The following SUGCT variants were observed in gnomAD, a reference collection of about 807,000 sequenced individuals.
SUGCT encodes succinyl-CoA:glutarate-CoA transferase.
In SUGCT, 41 loss-of-function variants were observed where a neutral mutation model predicts 55.0. The ratio of observed to expected loss-of-function variants is 0.74; its 90% CI spans 0.58 to 0.97. The LOEUF (loss-of-function observed/expected upper bound fraction) is 0.97, where lower values mean the gene tolerates loss of function less well. SUGCT is among the 50% of genes least tolerant of loss of function. The pLI is 0.00. For missense variants in SUGCT, 568 were observed against 547.8 expected, an observed-to-expected ratio of 1.04 and a Z score of -0.37; for synonymous variants, 187 against 200.4, an observed-to-expected ratio of 0.93 and a Z score of 0.56.
chr7:40,749,512 G>A lies in SUGCT; in HGVS notation c.1153+15G>A. On this transcript the variant is annotated intron_variant, in intron 13 of 13. Coordinates refer to ENST00000335693, the MANE Select transcript of SUGCT (RefSeq NM_001193313.2). ...TTCCGTCCCAGGTCTGAAAAGTTTT[G>A]GTATTTTCTCTAGCACCTTTCTTTA... 6.2e-7 allele frequency: 1 copy of A among 1,608,008 alleles called. No individual in the cohort carries two copies. The highest frequency in any genetic ancestry group is 8.5e-7 in the Non-Finnish European group (1 of 1,174,642).
chr7:40,463,839 T>C (rs1245537128), intron 11 of SUGCT, among the ~76,000 whole-genome samples: 1 of 152,180 alleles, frequency 6.6e-6, no homozygotes, highest in Non-Finnish European at 1.5e-5. Flanking sequence ...GCTGCTAACA[T>C]TGAAAACTAG....
chr7:40,335,471 G>T (rs1321394953), intron 9 of SUGCT, among the ~76,000 whole-genome samples: 2 of 151,860 alleles, frequency 1.3e-5, no homozygotes, highest in Non-Finnish European at 2.9e-5. Context: ...CACATCCCTT[G>T]TAAGTTGGAT....
intron 13 of SUGCT, among the ~76,000 whole-genome samples, chr7:40,842,995 T>C (rs1376816401): frequency 6.6e-6 from 1 of 152,212 alleles, no homozygotes; most frequent in Non-Finnish European, 1.5e-5. Context: ...TTCCTTGTTT[T>C]AGAAACCTGA....
In SUGCT at chr7:40,627,858, C is replaced by G. The variant is rs558945501; in HGVS notation, c.1090-121576C>G. ...ATGACATGAAACTTCTCTGCCAGGG[C>G]TAAATGGCAGGAGGGCTCTCTAAAT... On this transcript the variant is annotated intron_variant, in intron 12 of 13. Transcript: ENST00000335693. Among the ~76,000 whole-genome samples the G allele has an allele frequency of 3.0e-4, 46 of 152,274 alleles. No individual in the cohort carries two copies. In the South Asian group the frequency reaches 8.3e-3, roughly 27 times the overall value.
chr7:40,200,024 C>A (rs1786503898), intron 6 of SUGCT, among the ~76,000 whole-genome samples: 1 of 152,044 alleles, frequency 6.6e-6, no homozygotes, highest in South Asian at 2.1e-4. Flanking sequence ...GAAGAGAGAA[C>A]CACAGAATTT....
chr7:40,173,243 A>C (rs1370876835), intron 1 of SUGCT, among the ~76,000 whole-genome samples: 1 of 152,218 alleles, frequency 6.6e-6, no homozygotes, highest in Admixed American at 6.5e-5. Flanking sequence ...GCACTTAGCT[A>C]TGCAGGAACA....
At position 40,855,110 on chromosome 7, in the gene SUGCT, T is replaced by C. The variant is rs371867085; in HGVS notation, c.1154-5206T>C. On this transcript the variant is annotated intron_variant, in intron 13 of 13. Transcript: ENST00000335693. ...TCACCCCTCCTCCATTTCCAGGAAG[T>C]TTCTCAGATATTTTTAATGCTGATA... Among the ~76,000 whole-genome samples, 112 of 152,064 alleles carry C rather than the reference T, an allele frequency of 7.4e-4. 1 individual carries two copies. Among genetic ancestry groups the C allele is most frequent in the African/African-American group, 2.6e-3 (110 of 41,520 alleles).
intron 6 of SUGCT, among the ~76,000 whole-genome samples, chr7:40,214,829 A>T (rs765989310): frequency 1.3e-5 from 2 of 151,604 alleles, no homozygotes; most frequent in African/African-American, 2.4e-5. Context: ...CAGGAGAATC[A>T]CTTGAACCCG....
At chr7:40,728,293 T>A (rs1294657403) in intron 12 of SUGCT, among the ~76,000 whole-genome samples, 1 of 151,872 alleles carries the variant, frequency 6.6e-6, no homozygotes, top group Non-Finnish European at 1.5e-5. Context: ...CTGAAGCGGG[T>A]GGATCAGCTG....
At position 40,195,222 on chromosome 7, in the gene SUGCT, CTT is replaced by C. The variant is rs11326653; in HGVS notation, c.484+179_484+180del. ...TGCTGAACTTACTTTTTTCTTTTTT[CTT>C]TTTTTTTTTTTTTTTTGAGACAGAG... On this transcript the variant is annotated intron_variant, in intron 6 of 13. Transcript: ENST00000335693. Among the ~76,000 whole-genome samples, 7,132 of 101,228 alleles carry C rather than the reference CTT, an allele frequency of 0.07. 93 individuals carry two copies. Among genetic ancestry groups the C allele is most frequent in the Middle Eastern group, 0.091 (16 of 176 alleles). The allele number at this position is 101,228 out of a possible 152,430, so 66.4% of individuals were successfully genotyped here.
chr7:40,847,169 G>T (rs1676147895), intron 13 of SUGCT, among the ~76,000 whole-genome samples: 1 of 152,146 alleles, frequency 6.6e-6, no homozygotes. Context: ...ACTGAGGCAT[G>T]TGTCAATCTT....
chr7:40,253,845 C>G (rs1790613371), intron 7 of SUGCT, among the ~76,000 whole-genome samples: 1 of 152,330 alleles, frequency 6.6e-6, no homozygotes, highest in East Asian at 1.9e-4. Flanking sequence ...TAACTAGATT[C>G]TTAGTTAGTT....
chr7:41,012,259 G>T, the SUGCT span, among the ~76,000 whole-genome samples: 1 of 152,086 alleles, frequency 6.6e-6, no homozygotes, highest in East Asian at 1.9e-4. Context: ...GCTCACGCTC[G>T]CCTGTGCTTC....
At chr7:40,259,218 A>G (rs1791052076) in intron 7 of SUGCT, among the ~76,000 whole-genome samples, 1 of 152,168 alleles carries the variant, frequency 6.6e-6, no homozygotes, top group African/African-American at 2.4e-5. Context: ...GCTAGAAGGA[A>G]TAAGTTCAAG....
chr7:40,177,066 A>G (rs559339093), intron 1 of SUGCT, among the ~76,000 whole-genome samples: 2 of 152,042 alleles, frequency 1.3e-5, no homozygotes, highest in South Asian at 2.1e-4. Flanking sequence ...ATCACTATTC[A>G]GTATTTAGGT....
chr7:40,382,004 C>CGTGTGTGTGTGT (rs750263458), intron 9 of SUGCT, among the ~76,000 whole-genome samples: 2 of 149,702 alleles, frequency 1.3e-5, no homozygotes, highest in Admixed American at 6.7e-5. Flanking sequence ...CATCAAGGGA[C>CGTGTGTGTGTGT]GTGTGTGTGT....
intron 1 of SUGCT, among the ~76,000 whole-genome samples, chr7:40,175,304 C>T (rs1453755926): frequency 6.6e-6 from 1 of 151,926 alleles, no homozygotes; most frequent in Non-Finnish European, 1.5e-5. Context: ...ACTGCAGCCT[C>T]TGCCTCCCGG....
the SUGCT span, among the ~76,000 whole-genome samples, chr7:40,922,441 A>G: frequency 2.6e-5 from 4 of 152,298 alleles, no homozygotes; most frequent in South Asian, 4.1e-4. Flanking sequence ...AGTCTGCCTC[A>G]TATTCACGCC....
rs145656965 is a variant in SUGCT, at chr7:40,778,219, A to G, written c.1153+28722A>G. On this transcript the variant is annotated intron_variant, in intron 13 of 13. Transcript: ENST00000335693. ...TGTAGAATTGTACTTTATAAATCAT[A>G]GCTGCCTTCTACAGACTCTAGTATA... 3.4e-3 allele frequency among the ~76,000 whole-genome samples: 473 copies of G among 137,598 alleles called. 2 individuals carry two copies. Among genetic ancestry groups the G allele is most frequent in the African/African-American group, 0.012 (456 of 38,440 alleles). 90.3% of individuals were successfully genotyped at this position (137,598 alleles called of 152,430 possible). A position where few individuals can be genotyped will look rare whatever the true frequency, so the allele number is the denominator to read the frequency against.
Sources: allele counts gnomAD v4.1 joint callset (sites outside exome capture counted in the v4.1 genomes callset), GRCh38; gene constraint gnomAD v4.1.1; transcripts MANE v1.5; gene names NCBI Gene and HGNC (gene_info 2026-07-23, HGNC 2026-07-21).